The following DMWD variants were observed in gnomAD, a reference collection of about 807,000 sequenced individuals.
The protein encoded by DMWD is DM1 locus, WD repeat containing, also known as dystrophia myotonica WD repeat-containing protein.
Under a neutral mutation model 45.8 loss-of-function variants are expected in DMWD, and 19 were observed. That is an observed-to-expected ratio of 0.41 (90% confidence interval 0.29 to 0.61). The LOEUF (loss-of-function observed/expected upper bound fraction) is 0.61. Among genes scored for constraint, DMWD ranks in the 20% least tolerant of loss-of-function variants. DMWD has a pLI of 0.25. For missense variants in DMWD, 802 were observed against 965.2 expected, an observed-to-expected ratio of 0.83 and a Z score of 2.24; for synonymous variants, 515 against 440.5, an observed-to-expected ratio of 1.17 and a Z score of -2.12.
chr19:45,789,276 G>A (rs1037134631), intron 2 of DMWD: 1 of 152,222 alleles, frequency 6.6e-6, no homozygotes, highest in Non-Finnish European at 1.5e-5. Context: ...ATGAGCTAAT[G>A]AATTTTTAAT....
chr19:45,792,726 C>T lies in DMWD; in HGVS notation c.31G>A (p.Gly11Ser). The change falls in exon 1 of 5, where the codon GGC (glycine) becomes AGC (serine). Residue 11 changes from glycine (G) to serine (S), a missense_variant. By Grantham distance (56) the Gly-to-Ser change is moderately conservative. This residue lies in a region of DMWD where 151 missense variants were observed against 128.1 expected (regional missense o/e 1.18). Transcript: ENST00000270223. MAAGGAEGGS[G>S]PGAAMGDCAE... ...CAGTCCCCCATGGCGGCGCCGGGGC[C>T]CGAGCCGCCCTCCGCGCCGCCCGCC... 2 of 1,175,726 alleles carry T rather than the reference C, an allele frequency of 1.7e-6. No individual in the cohort carries two copies. The highest frequency in any genetic ancestry group is 2.1e-6 in the Non-Finnish European group (2 of 944,214). The allele number at this position is 1,175,726 out of a possible 1,614,324, so 72.8% of individuals were successfully genotyped here.
At chr19:45,790,305 C>T (rs940540922) in intron 2 of DMWD, 1 of 149,226 alleles carries the variant, frequency 6.7e-6, no homozygotes, top group South Asian at 2.1e-4. Context: ...AGTGAGACTC[C>T]GCCTTAAAAA....
In DMWD at chr19:45,783,934, C is replaced by T. The variant is rs968714176; in HGVS notation, c.*309G>A. The T allele has an allele frequency of 2.6e-5, 14 of 544,608 alleles. No individual in the cohort carries two copies. The highest frequency in any genetic ancestry group is 1.2e-4 in the Admixed American group (3 of 24,584). 33.7% of individuals were successfully genotyped at this position (544,608 alleles called of 1,614,324 possible). A position where few individuals can be genotyped will look rare whatever the true frequency, so the allele number is the denominator to read the frequency against. ...AGACCTGGGGCTCTTGTGGCAGGGG[C>T]GGGGAGTCTCTCCCCAGGAGTGACC... On this transcript the variant is annotated 3_prime_UTR_variant, in exon 5 of 5. Transcript: ENST00000270223.
chr19:45,788,699 CAGG>C (rs1217343694), intron 2 of DMWD, among the ~76,000 whole-genome samples: 1 of 152,114 alleles, frequency 6.6e-6, no homozygotes, highest in Non-Finnish European at 1.5e-5. Flanking sequence ...GAGGCCAAAG[CAGG>C]AGAATAGCTT....
Position 45,786,102 on chromosome 19 carries a change from G to A in DMWD, c.1394C>T (p.Thr465Ile). The A allele has an allele frequency of 6.6e-7, 1 of 1,524,478 alleles. No homozygotes were observed. The highest frequency in any genetic ancestry group is 8.8e-7 in the Non-Finnish European group (1 of 1,134,258). The allele number at this position is 1,524,478 out of a possible 1,614,324, so 94.4% of individuals were successfully genotyped here. A position where few individuals can be genotyped will look rare whatever the true frequency, so the allele number is the denominator to read the frequency against. The change falls in exon 3 of 5, where the codon ACA (threonine) becomes ATA (isoleucine). Residue 465 changes from threonine (T) to isoleucine (I), a missense_variant. Thr to Ile is a moderately conservative substitution (Grantham distance 89). This residue lies in a region of DMWD where 303 missense variants were observed against 332.9 expected (regional missense o/e 0.91). Coordinates refer to ENST00000270223, the MANE Select transcript of DMWD (RefSeq NM_004943.2). ...PLARTRTLPGTPGTTPPAASS... is the reference protein window; with the variant it reads ...PLARTRTLPGIPGTTPPAASS... ...GGCGGCCGGTGGCGTGGTGCCAGGT[G>A]TGCCAGGGAGGGTGCGGGTGCGGGC...
At chr19:45,791,878 T>C (rs1970360264) in intron 1 of DMWD, among the ~76,000 whole-genome samples, 2 of 152,080 alleles carry the variant, frequency 1.3e-5, no homozygotes, top group African/African-American at 4.8e-5. Flanking sequence ...ACTTCTAGAC[T>C]TCTCCTCATT....
intron 1 of DMWD, among the ~76,000 whole-genome samples, chr19:45,791,463 C>A (rs1970355792): frequency 6.6e-6 from 1 of 152,090 alleles, no homozygotes; most frequent in South Asian, 2.1e-4. Flanking sequence ...CCTAGTACCA[C>A]ACTATTCCAA....
chr19:45,792,179 A>G (rs1183748427), intron 1 of DMWD, 137 bp downstream of exon 1: 28 of 1,382,976 alleles, frequency 2.0e-5, no homozygotes, highest in Non-Finnish European at 2.6e-5. Flanking sequence ...TACTCCCTCC[A>G]ATGCTGTCGC....
Position 45,792,593 on chromosome 19 carries a change from G to A in DMWD, c.164C>T (p.Pro55Leu). 1 of 1,300,540 alleles carries A rather than the reference G, an allele frequency of 7.7e-7. No homozygotes were observed. The highest frequency in any genetic ancestry group is 1.5e-5 in the African/African-American group (1 of 64,680). The allele number at this position is 1,300,540 out of a possible 1,614,324, so 80.6% of individuals were successfully genotyped here. A position where few individuals can be genotyped will look rare whatever the true frequency, so the allele number is the denominator to read the frequency against. Residue 55 changes from proline to leucine, a missense_variant, in exon 1 of 5, where the codon CCG (proline) becomes CTG (leucine). By Grantham distance (98) the Pro-to-Leu change is moderately conservative (BLOSUM62 -3). This residue lies in a region of DMWD where 151 missense variants were observed against 128.1 expected (regional missense o/e 1.18). Coordinates refer to ENST00000270223, the MANE Select transcript of DMWD (RefSeq NM_004943.2). Reference sequence around the variant, plus strand: ...GGGCGGGGGCTGCGGTGGCTGAGGCGGCACCGGAGTCTGGGCGGAAGCCGG... The same window carrying A: ...GGGCGGGGGCTGCGGTGGCTGAGGCAGCACCGGAGTCTGGGCGGAAGCCGG... Reference protein sequence around the residue: ...SGPASAQTPVPPQPPQPPPGP... With the variant: ...SGPASAQTPVLPQPPQPPPGP...
chr19:45,792,694 C>T lies in DMWD; in HGVS notation c.63G>A (p.Glu21=). ...CGCGCGTGCGGAATTGCGACTTAAT[C>T]TCCGCGCAGTCCCCCATGGCGGCGC... is the stretch of plus-strand genomic sequence containing the variant. ...GPGAAMGDCA[E]IKSQFRTREG... The change falls in exon 1 of 5, where the codon GAG becomes GAA. Residue 21 remains glutamate, a synonymous_variant. Coordinates refer to ENST00000270223, the MANE Select transcript of DMWD (RefSeq NM_004943.2). 7.8e-7 allele frequency: 1 copy of T among 1,280,804 alleles called. No individual in the cohort carries two copies. The highest frequency in any genetic ancestry group is 1.0e-6 in the Non-Finnish European group (1 of 997,452). The allele number at this position is 1,280,804 out of a possible 1,614,324, so 79.3% of individuals were successfully genotyped here. A position where few individuals can be genotyped will look rare whatever the true frequency, so the allele number is the denominator to read the frequency against.
Position 45,783,549 on chromosome 19 carries a change from T to C in DMWD, c.*694A>G. The stretch of plus-strand genomic sequence containing the variant: ...TCCAGCCGCTGGTGTGGGTCACCAG[T>C]TGTGTGACTCGCAGGTCCGTTCCCT... On this transcript the variant is annotated 3_prime_UTR_variant, in exon 5 of 5. Transcript: ENST00000270223. 2.5e-6 allele frequency: 1 copy of C among 398,540 alleles called. No homozygotes were observed. Among genetic ancestry groups the C allele is most frequent in the Non-Finnish European group, 4.4e-6 (1 of 226,080 alleles). 24.7% of individuals were successfully genotyped at this position (398,540 alleles called of 1,614,324 possible).
chr19:45,785,955 G>A lies in DMWD; in HGVS notation c.1541C>T (p.Pro514Leu). 6.3e-7 allele frequency: 1 copy of A among 1,585,756 alleles called. No homozygotes were observed. The highest frequency in any genetic ancestry group is 1.3e-5 in the African/African-American group (1 of 74,322). Reference protein sequence around the residue: ...KAGGPGVAAEPGTPFSIGRFA... With the variant: ...KAGGPGVAAELGTPFSIGRFA... The stretch of plus-strand genomic sequence containing the variant: ...GCGGCCAATGCTGAATGGTGTGCCA[G>A]GCTCTGCCGCCACACCCGGGCCGCC... The change falls in exon 3 of 5, where the codon CCT becomes CTT. Residue 514 changes from proline (P) to leucine (L), a missense_variant. Transcript: ENST00000270223.
At chr19:45,784,413 T>C (rs1970238524) in intron 4 of DMWD, 123 bp from the exon 5 acceptor site, 1 of 1,269,628 alleles carries the variant, frequency 7.9e-7, no homozygotes, top group East Asian at 2.5e-5. Context: ...TGCCCTTGGG[T>C]CCGCCCTAGA....
At chr19:45,787,215 T>G in intron 2 of DMWD, 1 of 350,216 alleles carries the variant, frequency 2.9e-6, no homozygotes, top group Non-Finnish European at 5.4e-6. Context: ...TAGTGGTCCG[T>G]GGCCTGTTAG....
Position 45,784,251 on chromosome 19 carries a change from C to T in DMWD, c.2017G>A (p.Val673Met), listed in dbSNP as rs200880248. 1.3e-6 allele frequency: 2 copies of T among 1,535,212 alleles called. No individual in the cohort carries two copies. The highest frequency in any genetic ancestry group is 2.1e-5 in the Admixed American group (1 of 47,078). Reference sequence around the variant, plus strand: ...GCCCGATATCCATGGCTTCACACCACTGTGCCACTCGGGGAGTTGCCTGGT... The same window carrying T: ...GCCCGATATCCATGGCTTCACACCATTGTGCCACTCGGGGAGTTGCCTGGT... ...SQPGNSPSGTVV is the reference protein window; with the variant it reads ...SQPGNSPSGTMV Residue 673 changes from valine (V) to methionine (M), a missense_variant, in exon 5 of 5, where the codon GTG (valine) becomes ATG (methionine). Around this residue, in one of 9 missense-constraint regions of DMWD, gnomAD observed 303 missense variants for 332.9 expected, o/e 0.91. Coordinates refer to ENST00000270223, the MANE Select transcript of DMWD (RefSeq NM_004943.2).
At chr19:45,788,908 G>A (rs1158896693) in intron 2 of DMWD, among the ~76,000 whole-genome samples, 12 of 149,234 alleles carry the variant, frequency 8.0e-5, no homozygotes, top group African/African-American at 1.5e-4. Context: ...CAGCATGGAC[G>A]ACAGAGTGAG....
In DMWD at chr19:45,786,511, G is replaced by A. The variant is rs1970280952; in HGVS notation, c.985C>T (p.Leu329=). 1 of 1,614,044 alleles carries A rather than the reference G, an allele frequency of 6.2e-7. No individual in the cohort carries two copies. The highest frequency in any genetic ancestry group is 1.3e-5 in the African/African-American group (1 of 75,060). ...RGLMKSYFGG[L]LCVCWSPDGR... ...TCAGGGCTCCAGCACACACACAGCAGGCCCCCAAAGTAGCTCTTCATGAGC... is the reference window on the plus strand; with the variant it reads ...TCAGGGCTCCAGCACACACACAGCAAGCCCCCAAAGTAGCTCTTCATGAGC... Residue 329 remains leucine, a synonymous_variant, in exon 3 of 5, where the codon CTG becomes TTG. Transcript: ENST00000270223.
Position 45,790,974 on chromosome 19 carries a change from G to A in DMWD, c.555C>T (p.Gly185=), listed in dbSNP as rs749199656. 4 of 1,614,028 alleles carry A rather than the reference G, an allele frequency of 2.5e-6. No homozygotes were observed. Among genetic ancestry groups the A allele is most frequent in the South Asian group, 2.2e-5 (2 of 91,078 alleles). ...GGTACTGCACTTGACCCGCTGAGAA[G>A]CCCACCAGCAGCGAGATGGTCTCGG... ...AATETISLLV[G]FSAGQVQYLD... Residue 185 remains glycine (G), a synonymous_variant, in exon 2 of 5, where the codon GGC becomes GGT. Transcript: ENST00000270223.
In DMWD at chr19:45,783,918, G is replaced by A; in HGVS notation, c.*325C>T. The A allele has an allele frequency of 1.9e-6, 1 of 537,598 alleles. No individual in the cohort carries two copies. Among genetic ancestry groups the A allele is most frequent in the South Asian group, 2.6e-5 (1 of 38,800 alleles). The allele number at this position is 537,598 out of a possible 1,614,324, so 33.3% of individuals were successfully genotyped here. A position where few individuals can be genotyped will look rare whatever the true frequency, so the allele number is the denominator to read the frequency against. On this transcript the variant is annotated 3_prime_UTR_variant, in exon 5 of 5. Coordinates refer to ENST00000270223, the MANE Select transcript of DMWD (RefSeq NM_004943.2). Reference sequence around the variant, plus strand: ...CTGAGGGGCACACTGCAGACCTGGGGCTCTTGTGGCAGGGGCGGGGAGTCT... The same window carrying A: ...CTGAGGGGCACACTGCAGACCTGGGACTCTTGTGGCAGGGGCGGGGAGTCT...
Sources: allele counts gnomAD v4.1 joint callset (sites outside exome capture counted in the v4.1 genomes callset), GRCh38; gene constraint gnomAD v4.1.1; regional missense constraint gnomAD v4.1.1; transcripts MANE v1.5; gene names NCBI Gene and HGNC (gene_info 2026-07-23, HGNC 2026-07-21).